The following NRG3 variants were observed in gnomAD, a reference collection of about 807,000 sequenced individuals.
The protein encoded by NRG3 is neuregulin 3.
In NRG3, 31 loss-of-function variants were observed where a neutral mutation model predicts 66.9. The ratio of observed to expected loss-of-function variants is 0.46; its 90% CI spans 0.35 to 0.63. The LOEUF (loss-of-function observed/expected upper bound fraction) is 0.63, where lower values mean the gene tolerates loss of function less well. NRG3 is among the 20% of genes least tolerant of loss of function. The probability of loss-of-function intolerance (pLI) is 0.00; values close to 1 mark genes in which losing one functional copy is unlikely to be tolerated. For synonymous variants in NRG3, 393 were observed against 359.4 expected (o/e 1.09, Z -1.06); for missense variants, 910 against 878.9 (o/e 1.04, Z -0.45).
intron 1 of NRG3, among the ~76,000 whole-genome samples, chr10:82,122,945 T>G (rs1219076089): frequency 6.6e-6 from 1 of 152,078 alleles, no homozygotes; most frequent in Non-Finnish European, 1.5e-5. Flanking sequence ...CTGCTCTGTG[T>G]TACCTGCTCA....
chr10:81,897,245 G>T (rs1308313176), intron 1 of NRG3, among the ~76,000 whole-genome samples: 1 of 152,142 alleles, frequency 6.6e-6, no homozygotes, highest in African/African-American at 2.4e-5. Flanking sequence ...AGGCACATAA[G>T]GAACTTGGAC....
chr10:82,202,725 C>T (rs372444680), intron 1 of NRG3, among the ~76,000 whole-genome samples: 2 of 152,080 alleles, frequency 1.3e-5, no homozygotes, highest in Non-Finnish European at 2.9e-5. Flanking sequence ...GAGCTGTAGA[C>T]CCCTGTTGAG....
Position 82,916,689 on chromosome 10 carries a change from C to T in NRG3, c.1055-34780C>T, listed in dbSNP as rs577139491. Among the ~76,000 whole-genome samples, 4 of 151,556 alleles carry T rather than the reference C, an allele frequency of 2.6e-5. No homozygotes were observed. In the East Asian group the frequency reaches 5.9e-4, roughly 22 times the overall value. On this transcript the variant is annotated intron_variant, in intron 4 of 8. Transcript: ENST00000372141. ...TCGCTCAGGCTGGAGTGCAGTGGTG[C>T]AATCTCAGCTCCGCCTCCCAGGTTC...
At chr10:82,291,161 C>A (rs1360258798) in intron 1 of NRG3, among the ~76,000 whole-genome samples, 3 of 151,894 alleles carry the variant, frequency 2.0e-5, no homozygotes, top group Non-Finnish European at 2.9e-5. Flanking sequence ...TAACAACACA[C>A]ACACACACAC....
intron 1 of NRG3, among the ~76,000 whole-genome samples, chr10:82,134,682 G>T (rs1231621271): frequency 1.3e-5 from 2 of 151,980 alleles, no homozygotes; most frequent in Non-Finnish European, 2.9e-5. Context: ...TAGTTTGAAG[G>T]TGGGCAACAT....
intron 1 of NRG3, among the ~76,000 whole-genome samples, chr10:82,027,073 C>G (rs574939244): frequency 6.6e-6 from 1 of 152,124 alleles, no homozygotes; most frequent in South Asian, 2.1e-4. Flanking sequence ...CAACATGAAA[C>G]TTTTTGTCAA....
At chr10:82,453,172 AAACATGTG>A (rs1252478815) in intron 2 of NRG3, among the ~76,000 whole-genome samples, 2 of 152,150 alleles carry the variant, frequency 1.3e-5, no homozygotes, top group African/African-American at 4.8e-5. Flanking sequence ...TATACACAAA[AAACATGTG>A]AGCTGAAAAA....
rs147759240 is a variant in NRG3, at chr10:82,456,137, C to CTTTTTTTTTT, written c.953+97280_953+97289dup. On this transcript the variant is annotated intron_variant, in intron 2 of 8. Coordinates refer to ENST00000372141, the MANE Select transcript of NRG3 (RefSeq NM_001010848.4). ...TACTATTTAAAATATTTTTCTGTCACTTTTTTTTTTTTTTTTTTTTGGTAG... is the reference window on the plus strand; with the variant it reads ...TACTATTTAAAATATTTTTCTGTCACTTTTTTTTTTTTTTTTTTTTTTTTTTTTTTGGTAG... Among the ~76,000 whole-genome samples the CTTTTTTTTTT allele has an allele frequency of 3.4e-5, 3 of 88,812 alleles. 1 individual carries two copies. Among genetic ancestry groups the CTTTTTTTTTT allele is most frequent in the Non-Finnish European group, 7.1e-5 (3 of 42,314 alleles). 58.3% of individuals were successfully genotyped at this position (88,812 alleles called of 152,430 possible). A position where few individuals can be genotyped will look rare whatever the true frequency, so the allele number is the denominator to read the frequency against.
At chr10:82,813,093 A>G (rs896538737) in intron 3 of NRG3, among the ~76,000 whole-genome samples, 2 of 152,076 alleles carry the variant, frequency 1.3e-5, no homozygotes, top group Non-Finnish European at 2.9e-5. Context: ...CATATCACTC[A>G]TGGCAGACCA....
intron 4 of NRG3, among the ~76,000 whole-genome samples, chr10:82,897,035 G>T (rs564557543): frequency 6.6e-6 from 1 of 152,142 alleles, no homozygotes; most frequent in East Asian, 1.9e-4. Context: ...TGGAAAATGC[G>T]AAGACCACCA....
At chr10:82,656,701 C>T (rs1188713610) in intron 2 of NRG3, among the ~76,000 whole-genome samples, 1 of 152,138 alleles carries the variant, frequency 6.6e-6, no homozygotes, top group African/African-American at 2.4e-5. Context: ...GGACTGGAAG[C>T]TGCTGGTAAG....
At chr10:82,813,108 A>G (rs2061559240) in intron 3 of NRG3, among the ~76,000 whole-genome samples, 1 of 152,046 alleles carries the variant, frequency 6.6e-6, no homozygotes, top group Admixed American at 6.5e-5. Flanking sequence ...AGACCACAGC[A>G]TGTCCTAGAT....
At chr10:82,216,369 C>G (rs2075675354) in intron 1 of NRG3, among the ~76,000 whole-genome samples, 1 of 151,712 alleles carries the variant, frequency 6.6e-6, no homozygotes, top group South Asian at 2.1e-4. Flanking sequence ...AATCAATGAC[C>G]TTGCAATTTG....
Position 82,624,178 on chromosome 10 carries a change from C to T in NRG3, c.954-114399C>T, listed in dbSNP as rs1303064727. The stretch of plus-strand genomic sequence containing the variant: ...TAAATGAGATAATATTCATAAAAGC[C>T]CTCCAGCAGTTAATATGTGTATTAT... On this transcript the variant is annotated intron_variant, in intron 2 of 8. Coordinates refer to ENST00000372141, the MANE Select transcript of NRG3 (RefSeq NM_001010848.4). Among the ~76,000 whole-genome samples the T allele has an allele frequency of 1.6e-4, 25 of 151,998 alleles. 1 individual carries two copies. The highest frequency in any genetic ancestry group is 1.6e-3 in the Admixed American group (25 of 15,244).
chr10:82,358,002 T>C lies in NRG3; in HGVS notation c.824-737T>C, dbSNP rs542424029. On this transcript the variant is annotated intron_variant, in intron 1 of 8. Transcript: ENST00000372141. The stretch of plus-strand genomic sequence containing the variant: ...ACAATGTCTACATGTGGTAATAGAG[T>C]CTGTATCTTATAGATAGCACTTATT... 5.3e-5 allele frequency among the ~76,000 whole-genome samples: 8 copies of C among 152,282 alleles called. No homozygotes were observed. In the East Asian group the frequency reaches 1.2e-3, roughly 22 times the overall value.
At chr10:82,604,914 T>C (rs1431855148) in intron 2 of NRG3, among the ~76,000 whole-genome samples, 2 of 152,144 alleles carry the variant, frequency 1.3e-5, no homozygotes, top group African/African-American at 4.8e-5. Context: ...ATCTTTCGTA[T>C]ATTAACTTTG....
chr10:81,909,007 A>G lies in NRG3; in HGVS notation c.823+32844A>G, dbSNP rs978855755. ...AAACCAGGTGGCTTAAAACAATAGA[A>G]GTGTATTCTCTCATAGGACCTGAGG... On this transcript the variant is annotated intron_variant, in intron 1 of 8. Coordinates refer to ENST00000372141, the MANE Select transcript of NRG3 (RefSeq NM_001010848.4). 6.6e-5 allele frequency among the ~76,000 whole-genome samples: 10 copies of G among 152,226 alleles called. 4 individuals carry two copies. The highest frequency in any genetic ancestry group is 6.5e-4 in the Admixed American group (10 of 15,286).
At chr10:82,469,408 A>G (rs1442987882) in intron 2 of NRG3, among the ~76,000 whole-genome samples, 4 of 152,220 alleles carry the variant, frequency 2.6e-5, no homozygotes, top group Non-Finnish European at 4.4e-5. Context: ...AGCAAGAGGC[A>G]TATCAAACAG....
chr10:82,182,070 G>A (rs955676669), intron 1 of NRG3, among the ~76,000 whole-genome samples: 6 of 150,542 alleles, frequency 4.0e-5, no homozygotes, highest in Non-Finnish European at 5.9e-5. Flanking sequence ...TGGCCATCCT[G>A]CTCTATTTTT....
Sources: gnomAD v4.1 joint callset for allele counts (sites outside exome capture counted in the v4.1 genomes callset) on GRCh38, gnomAD v4.1.1 for gene constraint, MANE v1.5 for transcripts, NCBI Gene and HGNC (gene_info 2026-07-23, HGNC 2026-07-21) for gene names.